ZNF786: variants seen among roughly 807,000 people sequenced by gnomAD.
The protein encoded by ZNF786 is zinc finger protein 786.
A neutral mutation model predicts 63.1 loss-of-function variants in ZNF786; 56 were observed. The observed-to-expected ratio is 0.89, with a 90% CI of 0.72 to 1.11. The LOEUF is 1.11. ZNF786 is among the 50% of genes least tolerant of loss of function. ZNF786 has a pLI of 0.00. For missense variants in ZNF786, 1,213 were observed against 1,041.8 expected (o/e 1.16, Z -2.26); for synonymous variants, 485 against 406.9 (o/e 1.19, Z -2.31).
chr7:149,082,159 A>C (rs1825663246), intron 1 of ZNF786, among the ~76,000 whole-genome samples: 1 of 152,136 alleles, frequency 6.6e-6, no homozygotes, highest in African/African-American at 2.4e-5. Flanking sequence ...TGCTGTTCTC[A>C]TGATAGCGAG....
In ZNF786 at chr7:149,071,807, C is replaced by G; in HGVS notation, c.965G>C (p.Gly322Ala). Residue 322 changes from glycine (G) to alanine (A), a missense_variant, in exon 4 of 4, where the codon GGG becomes GCG. Coordinates refer to ENST00000491431, the MANE Select transcript of ZNF786 (RefSeq NM_152411.4). ...QARRCQHSRE[G>A]PASWREGRGA... is the part of the protein sequence containing the mutation. ...GCGGCCTTCTCTCCAAGAGGCCGGC[C>G]CCTCCCGGCTGTGCTGGCACCGGCG... 3.2e-6 allele frequency: 5 copies of G among 1,585,618 alleles called. No individual in the cohort carries two copies. The highest frequency in any genetic ancestry group is 4.3e-6 in the Non-Finnish European group (5 of 1,170,934).
rs767573321 is a variant in ZNF786, at chr7:149,074,379, TACTC to T, written c.298+3_298+6del. The T allele has an allele frequency of 1.2e-6, 2 of 1,613,572 alleles. No individual in the cohort carries two copies. Among genetic ancestry groups the T allele is most frequent in the Admixed American group, 1.7e-5 (1 of 59,946 alleles). ...CAAGGTCGGGGCCCTGATTTCTTAA[TACTC>T]ACCCCAAAACAGCTGTTCCTCAAAA... On this transcript the variant is annotated splice_donor_5th_base_variant and intron_variant, in intron 3 of 3. Coordinates refer to ENST00000491431, the MANE Select transcript of ZNF786 (RefSeq NM_152411.4).
rs370259254 is a variant in ZNF786, at chr7:149,070,812, C to T, written c.1960G>A (p.Gly654Ser). ...SGEMPFSCECGKGFVKHSKLI... is the reference protein window; with the variant it reads ...SGEMPFSCECSKGFVKHSKLI... ...TTTGAGTGTTTCACAAAGCCCTTGCCGCACTCACAGGAGAAAGGCATCTCC... is the reference window on the plus strand; with the variant it reads ...TTTGAGTGTTTCACAAAGCCCTTGCTGCACTCACAGGAGAAAGGCATCTCC... Residue 654 changes from glycine (G) to serine (S), a missense_variant, in exon 4 of 4, where the codon GGC becomes AGC. Coordinates refer to ENST00000491431, the MANE Select transcript of ZNF786 (RefSeq NM_152411.4). The T allele has an allele frequency of 7.4e-6, 12 of 1,613,670 alleles. No homozygotes were observed. The highest frequency in any genetic ancestry group is 1.1e-5 in the South Asian group (1 of 91,092).
At chr7:149,080,904 C>G (rs1021761624) in intron 1 of ZNF786, among the ~76,000 whole-genome samples, 187 bp from the exon 2 acceptor site, 10 of 152,298 alleles carry the variant, frequency 6.6e-5, no homozygotes, top group African/African-American at 2.2e-4. Flanking sequence ...ACTACATCCC[C>G]CGCTCCACGT....
Position 149,072,451 on chromosome 7 carries a change from T to G in ZNF786, c.321A>C (p.Ser107=), listed in dbSNP as rs1825447941. 1 of 1,597,100 alleles carries G rather than the reference T, an allele frequency of 6.3e-7. No homozygotes were observed. Among genetic ancestry groups the G allele is most frequent in the African/African-American group, 1.3e-5 (1 of 74,214 alleles). Residue 107 remains serine, a synonymous_variant, in exon 4 of 4, where the codon TCA becomes TCC. Coordinates refer to ENST00000491431, the MANE Select transcript of ZNF786 (RefSeq NM_152411.4). The part of the protein sequence containing the change: ...LFWGSQQAMN[S]GKTKSHFQLD... ...ATTGGAAATGGCTTTTAGTTTTTCC[T>G]GAATTCATAGCCTGCTGGCTTCCTG...
chr7:149,070,352 T>A lies in ZNF786; in HGVS notation c.*71A>T. On this transcript the variant is annotated 3_prime_UTR_variant, in exon 4 of 4. Transcript: ENST00000491431. The stretch of plus-strand genomic sequence containing the variant: ...CTCCTAAAACCCGTCTACCAGCGGG[T>A]CTGGCTACTGTTGCTGTGGATTCCT... The A allele has an allele frequency of 1.3e-6, 2 of 1,559,134 alleles. No individual in the cohort carries two copies. The highest frequency in any genetic ancestry group is 1.7e-6 in the Non-Finnish European group (2 of 1,150,600).
chr7:149,083,706 G>A (rs57511384), intron 1 of ZNF786, among the ~76,000 whole-genome samples: 4,442 of 152,164 alleles, frequency 0.029, 211 homozygotes, highest in African/African-American at 0.1. Context: ...CCACCTTCAA[G>A]TAGGCCCCAA....
chr7:149,084,294 A>G (rs1248362243), intron 1 of ZNF786, among the ~76,000 whole-genome samples: 1 of 149,662 alleles, frequency 6.7e-6, no homozygotes, highest in Non-Finnish European at 1.5e-5. Context: ...CCCAGGAGGC[A>G]GAGGTTCCAG....
chr7:149,070,307 T>TG lies in ZNF786; in HGVS notation c.*115dup. On this transcript the variant is annotated 3_prime_UTR_variant, in exon 4 of 4. Transcript: ENST00000491431. Reference sequence around the variant, plus strand: ...ATATTCCTAACTTGCATGACACTCTTGCTCAAAGAAGGATACCTGCTCCTA... The same window carrying TG: ...ATATTCCTAACTTGCATGACACTCTTGGCTCAAAGAAGGATACCTGCTCCTA... The TG allele has an allele frequency of 7.3e-7, 1 of 1,365,406 alleles. No homozygotes were observed. The highest frequency in any genetic ancestry group is 2.7e-4 in the Middle Eastern group (1 of 3,716). The allele number at this position is 1,365,406 out of a possible 1,614,324, so 84.6% of individuals were successfully genotyped here.
chr7:149,070,246 T>G lies in ZNF786; in HGVS notation c.*177A>C, dbSNP rs1585457976. On this transcript the variant is annotated 3_prime_UTR_variant, in exon 4 of 4. Coordinates refer to ENST00000491431, the MANE Select transcript of ZNF786 (RefSeq NM_152411.4). ...AAAAAAAAGAAAGAAATATAATTGG[T>G]GATGCTTCTGAAGAGAAAATCCTTT... The G allele has an allele frequency of 2.6e-6, 2 of 765,294 alleles. No homozygotes were observed. The highest frequency in any genetic ancestry group is 2.7e-5 in the Admixed American group (1 of 37,518). 47.4% of individuals were successfully genotyped at this position (765,294 alleles called of 1,614,324 possible). A position where few individuals can be genotyped will look rare whatever the true frequency, so the allele number is the denominator to read the frequency against.
At chr7:149,084,232 C>T (rs752693275) in intron 1 of ZNF786, among the ~76,000 whole-genome samples, 4 of 151,398 alleles carry the variant, frequency 2.6e-5, no homozygotes, top group Non-Finnish European at 5.9e-5. Context: ...CGTGGTGGCA[C>T]GCGCTTGTAA....
At position 149,070,696 on chromosome 7, in the gene ZNF786, G is replaced by A. The variant is rs1445399983; in HGVS notation, c.2076C>T (p.Leu692=). The A allele has an allele frequency of 2.5e-6, 4 of 1,613,898 alleles. No individual in the cohort carries two copies. Among genetic ancestry groups the A allele is most frequent in the East Asian group, 2.2e-5 (1 of 44,882 alleles). The change falls in exon 4 of 4, where the codon CTC becomes CTT. Residue 692 remains leucine, a synonymous_variant. Coordinates refer to ENST00000491431, the MANE Select transcript of ZNF786 (RefSeq NM_152411.4). ...CCCCTGTGTGCAGGCCCTGATGGCTGAGCAGCTGCGCCTTCAGGCGGAAAC... is the reference window on the plus strand; with the variant it reads ...CCCCTGTGTGCAGGCCCTGATGGCTAAGCAGCTGCGCCTTCAGGCGGAAAC... ...DKSFRLKAQL[L]SHQGLHTGER...
intron 1 of ZNF786, among the ~76,000 whole-genome samples, chr7:149,087,403 A>G (rs6959224): frequency 0.61 from 92,651 of 152,030 alleles, 29,359 homozygotes; most frequent in East Asian, 0.9. Context: ...GTCCCCTGGC[A>G]ACATTTTTTA....
chr7:149,071,020 C>T lies in ZNF786; in HGVS notation c.1752G>A (p.Leu584=), dbSNP rs1563135998. Residue 584 remains leucine, a synonymous_variant, in exon 4 of 4, where the codon TTG becomes TTA. Transcript: ENST00000491431. The part of the protein sequence containing the change: ...FTRQSKLTEH[L]RVHSGERPFQ... The stretch of plus-strand genomic sequence containing the variant: ...AGGGTCTCTCCCCGCTGTGCACGCG[C>T]AAGTGCTCCGTGAGCTTGGATTGTC... 6.2e-7 allele frequency: 1 copy of T among 1,612,804 alleles called. No individual in the cohort carries two copies. Among genetic ancestry groups the T allele is most frequent in the Non-Finnish European group, 8.5e-7 (1 of 1,179,908 alleles).
At chr7:149,073,437 A>C (rs1825468454) in intron 3 of ZNF786, among the ~76,000 whole-genome samples, 1 of 151,802 alleles carries the variant, frequency 6.6e-6, no homozygotes, top group Non-Finnish European at 1.5e-5. Flanking sequence ...TAATCCCAAC[A>C]CTTTGGGAGG....
Position 149,070,941 on chromosome 7 carries a change from G to T in ZNF786, c.1831C>A (p.His611Asn). The T allele has an allele frequency of 6.2e-7, 1 of 1,613,660 alleles. No individual in the cohort carries two copies. The highest frequency in any genetic ancestry group is 1.7e-5 in the Admixed American group (1 of 60,018). Reference sequence around the variant, plus strand: ...CTCTCTCCCGTGTGCAGGCGCTGATGGCTGAGCAGCTGCCCCTTCAGGCGG... The same window carrying T: ...CTCTCTCCCGTGTGCAGGCGCTGATTGCTGAGCAGCTGCCCCTTCAGGCGG... ...SFRLKGQLLS[H>N]QRLHTGERPF... is the part of the protein sequence containing the mutation. The change falls in exon 4 of 4, where the codon CAT (histidine) becomes AAT (asparagine). Residue 611 changes from histidine to asparagine, a missense_variant. Transcript: ENST00000491431.
At chr7:149,086,208 A>C (rs376519703) in intron 1 of ZNF786, among the ~76,000 whole-genome samples, 3 of 152,314 alleles carry the variant, frequency 2.0e-5, no homozygotes, top group South Asian at 4.1e-4. Flanking sequence ...CTGTAAAGGA[A>C]CACCAAGGTG....
Position 149,072,182 on chromosome 7 carries a change from C to A in ZNF786, c.590G>T (p.Trp197Leu). Residue 197 changes from tryptophan to leucine, a missense_variant, in exon 4 of 4, where the codon TGG becomes TTG. By Grantham distance (61) the Trp-to-Leu change is moderately conservative (BLOSUM62 -2). Coordinates refer to ENST00000491431, the MANE Select transcript of ZNF786 (RefSeq NM_152411.4). ...HPWPVCGESC[W>L]ENNHLVMHQR... Reference sequence around the variant, plus strand: ...GTGCATTACTAAATGGTTGTTCTCCCAACAGCTTTCCCCGCAGACAGGCCA... The same window carrying A: ...GTGCATTACTAAATGGTTGTTCTCCAAACAGCTTTCCCCGCAGACAGGCCA... 6.2e-7 allele frequency: 1 copy of A among 1,613,392 alleles called. No homozygotes were observed. The highest frequency in any genetic ancestry group is 8.5e-7 in the Non-Finnish European group (1 of 1,179,764).
rs370097972 is a variant in ZNF786 at position 149,071,888 on chromosome 7, G to A, written c.884C>T (p.Pro295Leu). Residue 295 changes from proline (P) to leucine (L), a missense_variant, in exon 4 of 4, where the codon CCT becomes CTT. Physicochemically the swap from Pro to Leu is moderately conservative, Grantham distance 98. Coordinates refer to ENST00000491431, the MANE Select transcript of ZNF786 (RefSeq NM_152411.4). Reference protein sequence around the residue: ...SHRLPQQGEKPAQCTPCGKRS... With the variant: ...SHRLPQQGEKLAQCTPCGKRS... ...CTTGCCGCATGGGGTGCACTGGGCA[G>A]GCTTCTCCCCCTGCTGCGGGAGGCG... 1.2e-5 allele frequency: 19 copies of A among 1,603,502 alleles called. No individual in the cohort carries two copies. In the South Asian group the frequency reaches 2.1e-4, roughly 18 times the overall value.
Sources: gnomAD v4.1 joint callset for allele counts (sites outside exome capture counted in the v4.1 genomes callset) on GRCh38, gnomAD v4.1.1 for gene constraint, MANE v1.5 for transcripts, NCBI Gene and HGNC (gene_info 2026-07-23, HGNC 2026-07-21) for gene names.